Variants in DNAJB1 observed in about 807,000 individuals in gnomAD.
DNAJB1 encodes dnaJ homolog subfamily B member 1.
Under a neutral mutation model 24.0 loss-of-function variants are expected in DNAJB1, and 14 were observed. That is an observed-to-expected ratio of 0.58 (90% confidence interval 0.39 to 0.91). The LOEUF is 0.91. DNAJB1 is among the 40% of genes least tolerant of loss of function. The probability of loss-of-function intolerance (pLI) is 0.00; values close to 1 mark genes in which losing one functional copy is unlikely to be tolerated. For missense variants in DNAJB1, 517 were observed against 458.1 expected (o/e 1.13, Z -1.17); for synonymous variants, 262 against 174.4 (o/e 1.50, Z -3.96).
At chr19:14,517,216 G>C in intron 1 of DNAJB1, 170 bp from the exon 2 acceptor site, 1 of 631,096 alleles carries the variant, frequency 1.6e-6, no homozygotes, top group South Asian at 2.1e-5. Flanking sequence ...CAGCAGAGAC[G>C]CCCCCCTACC....
intron 2 of DNAJB1, among the ~76,000 whole-genome samples, chr19:14,525,116 C>G (rs1160921035): frequency 6.6e-6 from 1 of 151,744 alleles, no homozygotes; most frequent in Non-Finnish European, 1.5e-5. Context: ...CACCTGTAAC[C>G]CAGCTATTCG....
intron 1 of DNAJB1, among the ~76,000 whole-genome samples, chr19:14,542,261 G>A (rs1229399213): frequency 6.7e-5 from 10 of 149,528 alleles, no homozygotes; most frequent in African/African-American, 2.5e-4. Context: ...CACCATGCCC[G>A]ACCACATTCT....
At chr19:14,552,267 C>G (rs1426903064), upstream of DNAJB1, among the ~76,000 whole-genome samples, 3 of 149,240 alleles carry the variant, frequency 2.0e-5, no homozygotes, top group Non-Finnish European at 4.4e-5. Flanking sequence ...CTCCCGGGCT[C>G]AAGCAATCCT....
chr19:14,556,908 C>T (rs2073747336), intron 1 of DNAJB1, among the ~76,000 whole-genome samples: 2 of 152,218 alleles, frequency 1.3e-5, no homozygotes, highest in South Asian at 4.1e-4. Flanking sequence ...GCCTCTGCAC[C>T]GAAAGTATCT....
At chr19:14,549,288 C>T (rs577657539) in intron 1 of DNAJB1, among the ~76,000 whole-genome samples, 1 of 149,318 alleles carries the variant, frequency 6.7e-6, no homozygotes, top group South Asian at 2.2e-4. Context: ...TCTCAGCTCA[C>T]TGCAACCTCT....
At chr19:14,556,408 CAAAAAA>C (rs1555735939) in intron 1 of DNAJB1, among the ~76,000 whole-genome samples, 1 of 50,888 alleles carries the variant, frequency 2.0e-5, no homozygotes, top group African/African-American at 1.2e-4. Context: ...GAGACTCTCT[CAAAAAA>C]AAAACAAAAA....
In DNAJB1 at chr19:14,515,975, A is replaced by T. The variant is rs138234955; in HGVS notation, c.988T>A (p.Ser330Thr). ...VIFPERIPQT[S>T]RTVLEQVLPI is the part of the protein sequence containing the mutation. ...AGAACCTGCTCAAGTACGGTTCTTG[A>T]TGTCTGGGGAATCCTTTCGGGGAAG... Residue 330 changes from serine to threonine, a missense_variant, in exon 3 of 3, where the codon TCA becomes ACA. Ser to Thr is a moderately conservative substitution (Grantham distance 58, BLOSUM62 1). Transcript: ENST00000254322. 485 of 1,609,574 alleles carry T rather than the reference A, an allele frequency of 3.0e-4. 2 individuals carry two copies. The highest frequency in any genetic ancestry group is 6.1e-4 in the South Asian group (55 of 90,842).
intron 1 of DNAJB1, among the ~76,000 whole-genome samples, chr19:14,544,517 C>G (rs559983743): frequency 2.8e-4 from 42 of 152,150 alleles, no homozygotes; most frequent in Admixed American, 1.2e-3. Context: ...ATGGGACTGG[C>G]AGGTCTGGCT....
upstream of DNAJB1, among the ~76,000 whole-genome samples, chr19:14,534,340 G>T (rs1235447540): frequency 1.3e-5 from 2 of 149,394 alleles, no homozygotes; most frequent in Admixed American, 6.7e-5. Flanking sequence ...TAGCCAGGAT[G>T]GTCTCGATCT....
intron 1 of DNAJB1, chr19:14,545,121 A>G (rs2073255357): frequency 2.2e-6 from 1 of 456,636 alleles, no homozygotes. Context: ...CAGCAGAGAG[A>G]TGATTCTTCA....
At position 14,517,391 on chromosome 19, in the gene DNAJB1, G is replaced by A. The variant is rs190388189; in HGVS notation, c.212-345C>T. On this transcript the variant is annotated intron_variant, in intron 1 of 2. Transcript: ENST00000254322. Reference sequence around the variant, plus strand: ...GGTCCAGGGTCGGCTTTCGGTAAGTGTTTACTCTCAACGTTTTAGGGCTAA... The same window carrying A: ...GGTCCAGGGTCGGCTTTCGGTAAGTATTTACTCTCAACGTTTTAGGGCTAA... 281 of 228,568 alleles carry A rather than the reference G, an allele frequency of 1.2e-3. 2 individuals carry two copies. Among genetic ancestry groups the A allele is most frequent in the Middle Eastern group, 1.6e-3 (1 of 642 alleles). The allele number at this position is 228,568 out of a possible 1,614,324, so 14.2% of individuals were successfully genotyped here.
chr19:14,529,331 C>T (rs1028395699), upstream of DNAJB1: 1 of 441,148 alleles, frequency 2.3e-6, no homozygotes, highest in African/African-American at 2.0e-5. Flanking sequence ...ACAGCGACGC[C>T]ATCAGGGGGC....
upstream of DNAJB1, among the ~76,000 whole-genome samples, chr19:14,518,643 C>T (rs1015373209): frequency 7.9e-5 from 12 of 152,164 alleles, no homozygotes; most frequent in Admixed American, 5.2e-4. Flanking sequence ...TCGGAGGAGG[C>T]CCCGCCCACC....
At chr19:14,517,722 A>C (rs1171637961) in intron 1 of DNAJB1, 2 of 165,934 alleles carry the variant, frequency 1.2e-5, no homozygotes, top group East Asian at 1.7e-4. Flanking sequence ...CGGCTCCTGC[A>C]TTCACAACCC....
At chr19:14,549,211 C>CTTTTTTTTTTTT (rs561284094) in intron 1 of DNAJB1, among the ~76,000 whole-genome samples, 1 of 111,162 alleles carries the variant, frequency 9.0e-6, no homozygotes, top group Non-Finnish European at 1.8e-5. Flanking sequence ...TTTAATTGGA[C>CTTTTTTTTTTTT]TTTTTTTTTT....
At chr19:14,543,575 A>G (rs1432377880) in intron 1 of DNAJB1, among the ~76,000 whole-genome samples, 1 of 146,414 alleles carries the variant, frequency 6.8e-6, no homozygotes, top group Admixed American at 6.9e-5. Flanking sequence ...AGTAGCTGGG[A>G]CTACAGGCGC....
Position 14,516,531 on chromosome 19 carries a change from G to T in DNAJB1, c.727C>A (p.Pro243Thr). The change falls in exon 2 of 3, where the codon CCC (proline) becomes ACC (threonine). Residue 243 changes from proline (P) to threonine (T), a missense_variant. By Grantham distance (38) the Pro-to-Thr change is conservative. Coordinates refer to ENST00000254322, the MANE Select transcript of DNAJB1 (RefSeq NM_006145.3). ...ADIVFVLKDK[P>T]HNIFKRDGSD... ...CCATCTCTCTTAAAGATATTGTGGG[G>T]CTTGTCCTTTAAAACAAAGACGATA... 6.2e-7 allele frequency: 1 copy of T among 1,614,210 alleles called. No homozygotes were observed. Among genetic ancestry groups the T allele is most frequent in the Non-Finnish European group, 8.5e-7 (1 of 1,180,050 alleles).
chr19:14,517,770 A>G (rs536167062), intron 1 of DNAJB1: 2,563 of 192,652 alleles, frequency 0.013, 56 homozygotes, highest in African/African-American at 0.051. Flanking sequence ...CGCCCCGCGG[A>G]CCCCGGCGGC....
At chr19:14,548,791 T>G (rs1489883228) in intron 1 of DNAJB1, among the ~76,000 whole-genome samples, 1 of 152,022 alleles carries the variant, frequency 6.6e-6, no homozygotes, top group Non-Finnish European at 1.5e-5. Context: ...GCCAGGCTGG[T>G]CTCAAACTCC....
Sources: allele counts gnomAD v4.1 joint callset (sites outside exome capture counted in the v4.1 genomes callset), GRCh38; gene constraint gnomAD v4.1.1; transcripts MANE v1.5; gene names NCBI Gene and HGNC (gene_info 2026-07-23, HGNC 2026-07-21).